Variants in DCC observed in about 807,000 individuals in gnomAD.
DCC encodes the protein DCC netrin 1 receptor, also known as netrin receptor DCC.
DCC carries 58 observed loss-of-function variants against 172.5 expected under a neutral mutation model. That is an observed-to-expected ratio of 0.34 (90% CI 0.27 to 0.42). The LOEUF (loss-of-function observed/expected upper bound fraction) is 0.42, where lower values mean the gene tolerates loss of function less well. Ranked by LOEUF, DCC falls within the 10% of genes least tolerant of loss-of-function variation. DCC has a pLI of 1.00. For missense variants in DCC, 1,740 were observed against 1,791.0 expected (o/e 0.97, Z 0.51); for synonymous variants, 709 against 644.5 (o/e 1.10, Z -1.52).
chr18:52,752,089 C>G lies in DCC; in HGVS notation c.127C>G (p.Leu43Val). ...QIKAFTALRFLSEPSDAVTMR... is the reference protein window; with the variant it reads ...QIKAFTALRFVSEPSDAVTMR... The stretch of plus-strand genomic sequence containing the variant: ...TAAAGCTTTCACAGCACTGCGCTTC[C>G]TCTCAGAACCTTCTGATGCCGTCAC... Residue 43 changes from leucine to valine, a missense_variant, in exon 2 of 29, where the codon CTC becomes GTC. Leu to Val is a conservative substitution (Grantham distance 32). This residue lies in a region of DCC where 1,732 missense variants were observed against 1,767.4 expected (regional missense o/e 0.98). Coordinates refer to ENST00000442544, the MANE Select transcript of DCC (RefSeq NM_005215.4). The G allele has an allele frequency of 6.2e-7, 1 of 1,614,144 alleles. No homozygotes were observed. Among genetic ancestry groups the G allele is most frequent in the Non-Finnish European group, 8.5e-7 (1 of 1,180,026 alleles).
At chr18:52,748,024 T>A (rs1035845151) in intron 1 of DCC, among the ~76,000 whole-genome samples, 2 of 152,178 alleles carry the variant, frequency 1.3e-5, no homozygotes, top group Admixed American at 1.3e-4. Context: ...TCTGACAGGC[T>A]GCGGTCGGCT....
Position 53,396,486 on chromosome 18 carries a change from A to G in DCC, c.2689-822A>G, listed in dbSNP as rs1908953534. On this transcript the variant is annotated intron_variant, in intron 17 of 28. Transcript: ENST00000442544. The stretch of plus-strand genomic sequence containing the variant: ...GAATTCAGAAGACTTCAATAATACC[A>G]ACACCACTTTAAACACCAATGTAAT... Among the ~76,000 whole-genome samples the G allele has an allele frequency of 2.0e-5, 3 of 152,236 alleles. No homozygotes were observed. In the South Asian group the frequency reaches 6.2e-4, roughly 32 times the overall value.
intron 1 of DCC, among the ~76,000 whole-genome samples, chr18:52,347,841 CT>C (rs757018353): frequency 4.1e-4 from 63 of 152,138 alleles, no homozygotes; most frequent in Non-Finnish European, 6.9e-4. Context: ...AGTTTCAACA[CT>C]ATATAATTTA....
intron 2 of DCC, among the ~76,000 whole-genome samples, chr18:52,856,507 T>C (rs1181512383): frequency 6.6e-6 from 1 of 151,278 alleles, no homozygotes; most frequent in Non-Finnish European, 1.5e-5. Context: ...GCACCTGTAG[T>C]TCCAGCTACT....
chr18:53,199,342 C>T (rs2055499662), intron 9 of DCC, among the ~76,000 whole-genome samples: 1 of 151,930 alleles, frequency 6.6e-6, no homozygotes, highest in Non-Finnish European at 1.5e-5. Context: ...CCTCCCACCT[C>T]GGCCTCCCAA....
At chr18:53,320,987 T>C (rs2057404834) in intron 13 of DCC, among the ~76,000 whole-genome samples, 2 of 152,180 alleles carry the variant, frequency 1.3e-5, no homozygotes, top group South Asian at 4.1e-4. Context: ...TGAAGGCAAC[T>C]GTTTGTTCCT....
intron 26 of DCC, among the ~76,000 whole-genome samples, chr18:53,491,668 A>G (rs1300894983): frequency 2.0e-5 from 3 of 152,130 alleles, no homozygotes; most frequent in Non-Finnish European, 4.4e-5. Context: ...ATCCTTTTTT[A>G]TGGCTGCATT....
intron 6 of DCC, 79 bp downstream of exon 6, chr18:53,063,538 A>G (rs2042525798): frequency 1.6e-6 from 2 of 1,236,232 alleles, no homozygotes; most frequent in African/African-American, 1.5e-5. Flanking sequence ...ATTTCTTGAA[A>G]AAAAAAAAGG....
At chr18:52,502,785 G>T (rs1256712991) in intron 1 of DCC, among the ~76,000 whole-genome samples, 1 of 152,156 alleles carries the variant, frequency 6.6e-6, no homozygotes, top group Non-Finnish European at 1.5e-5. Context: ...AAAGCCCCGA[G>T]GCGGGAGTTC....
At chr18:53,264,292 G>A (rs933957889) in intron 12 of DCC, among the ~76,000 whole-genome samples, 1 of 152,128 alleles carries the variant, frequency 6.6e-6, no homozygotes. Context: ...TTCAAGACCA[G>A]CCTGGCTAAC....
At chr18:52,382,764 A>G (rs1193645022) in intron 1 of DCC, among the ~76,000 whole-genome samples, 1 of 152,116 alleles carries the variant, frequency 6.6e-6, no homozygotes, top group Non-Finnish European at 1.5e-5. Flanking sequence ...CACAGGAGAC[A>G]GAGTAAATTG....
At chr18:52,770,564 T>C (rs1017911196) in intron 2 of DCC, among the ~76,000 whole-genome samples, 2 of 152,184 alleles carry the variant, frequency 1.3e-5, no homozygotes, top group African/African-American at 4.8e-5. Context: ...GTATTCACAG[T>C]GGGCACAGTA....
At chr18:52,341,198 G>T (rs1394091429) in intron 1 of DCC, among the ~76,000 whole-genome samples, 1 of 152,136 alleles carries the variant, frequency 6.6e-6, no homozygotes, top group Non-Finnish European at 1.5e-5. Flanking sequence ...TCGTTGAAAG[G>T]AACTGGGCTG....
intron 1 of DCC, among the ~76,000 whole-genome samples, chr18:52,596,137 G>A (rs929848008): frequency 2.0e-5 from 3 of 152,172 alleles, no homozygotes; most frequent in Non-Finnish European, 4.4e-5. Flanking sequence ...GAAGGTACCA[G>A]TCTCTTGTTC....
At chr18:53,469,606 A>G (rs2045670191) in intron 25 of DCC, among the ~76,000 whole-genome samples, 1 of 151,546 alleles carries the variant, frequency 6.6e-6, no homozygotes, top group Non-Finnish European at 1.5e-5. Context: ...ATCCCCTCTC[A>G]CCCATTTAGG....
intron 5 of DCC, among the ~76,000 whole-genome samples, chr18:52,972,906 T>C (rs2041052737): frequency 6.6e-6 from 1 of 152,220 alleles, no homozygotes; most frequent in African/African-American, 2.4e-5. Flanking sequence ...CTATGCATGA[T>C]TTTTATGGGG....
At chr18:53,304,766 GT>G (rs1239163197) in intron 12 of DCC, among the ~76,000 whole-genome samples, 1 of 152,140 alleles carries the variant, frequency 6.6e-6, no homozygotes, top group Non-Finnish European at 1.5e-5. Flanking sequence ...GACTTTTGAT[GT>G]GCTTTTCATT....
chr18:52,811,586 TGA>T (rs2038200945), intron 2 of DCC, among the ~76,000 whole-genome samples: 1 of 149,580 alleles, frequency 6.7e-6, no homozygotes, highest in Non-Finnish European at 1.5e-5. Context: ...GAGTAACTGG[TGA>T]AAGTTTTATT....
intron 1 of DCC, among the ~76,000 whole-genome samples, chr18:52,509,866 G>A (rs1488120203): frequency 6.6e-6 from 1 of 152,158 alleles, no homozygotes; most frequent in African/African-American, 2.4e-5. Flanking sequence ...ACTTTGGGAG[G>A]CCAAGGCATG....
Sources: gnomAD v4.1 joint callset for allele counts (sites outside exome capture counted in the v4.1 genomes callset) on GRCh38, gnomAD v4.1.1 for gene constraint, gnomAD v4.1.1 regional missense constraint, MANE v1.5 for transcripts, NCBI Gene and HGNC (gene_info 2026-07-23, HGNC 2026-07-21) for gene names.